Variants in ADAMTS17 observed in about 807,000 individuals in gnomAD.
ADAMTS17 encodes the protein A disintegrin and metalloproteinase with thrombospondin motifs 17.
Under a neutral mutation model 141.5 loss-of-function variants are expected in ADAMTS17, and 113 were observed. The observed-to-expected ratio is 0.80, with a 90% CI of 0.69 to 0.93. The LOEUF (loss-of-function observed/expected upper bound fraction) is 0.93, where lower values mean the gene tolerates loss of function less well. Among genes scored for constraint, ADAMTS17 ranks in the 40% least tolerant of loss-of-function variants. ADAMTS17 has a pLI of 0.00. For synonymous variants in ADAMTS17, 768 were observed against 630.6 expected (o/e 1.22, Z -3.27); for missense variants, 1,659 against 1,517.9 (o/e 1.09, Z -1.54).
chr15:100,090,230 T>A (rs1172959453), intron 15 of ADAMTS17, among the ~76,000 whole-genome samples: 1 of 152,168 alleles, frequency 6.6e-6, no homozygotes, highest in African/African-American at 2.4e-5. Context: ...AAAACTGAGA[T>A]AAAAGTTGTT....
At chr15:100,258,545 C>T (rs759664485) in intron 6 of ADAMTS17, among the ~76,000 whole-genome samples, 14 of 152,170 alleles carry the variant, frequency 9.2e-5, no homozygotes, top group Non-Finnish European at 1.6e-4. Context: ...TCTCACATGG[C>T]AGCAGGCAGG....
intron 3 of ADAMTS17, among the ~76,000 whole-genome samples, chr15:100,286,117 C>T (rs2044438293): frequency 6.6e-6 from 1 of 152,180 alleles, no homozygotes. Context: ...GCGACCAGCC[C>T]ACAAGCAGCC....
chr15:100,203,954 T>G (rs962222317), intron 7 of ADAMTS17, among the ~76,000 whole-genome samples: 1 of 152,024 alleles, frequency 6.6e-6, no homozygotes, highest in African/African-American at 2.4e-5. Context: ...GAAGCTCATT[T>G]AATTTATCGA....
intron 18 of ADAMTS17, among the ~76,000 whole-genome samples, chr15:100,046,412 T>G (rs1167643902): frequency 6.6e-6 from 1 of 152,178 alleles, no homozygotes; most frequent in Non-Finnish European, 1.5e-5. Context: ...CTCAATTCAG[T>G]GGTAGCAGTT....
chr15:100,064,181 G>C (rs2033348563), intron 15 of ADAMTS17, among the ~76,000 whole-genome samples: 1 of 152,184 alleles, frequency 6.6e-6, no homozygotes, highest in African/African-American at 2.4e-5. Context: ...TGAAGGCAGA[G>C]ATGAAGTGAT....
intron 18 of ADAMTS17, among the ~76,000 whole-genome samples, chr15:100,011,362 GAGAGAAGGAAAGGCAGTAAGGACAGA>G (rs2061174991): frequency 1.4e-5 from 2 of 147,652 alleles, no homozygotes; most frequent in Non-Finnish European, 3.0e-5. Flanking sequence ...GGACGGGAGG[GAGAGAAGGAAAGGCAGTAAGGACAGA>G]AGGGAGGGAA....
chr15:100,306,254 C>A (rs2045221311), intron 3 of ADAMTS17: 1 of 340,410 alleles, frequency 2.9e-6, no homozygotes, highest in Admixed American at 3.8e-5. Context: ...TGCCCTTGAA[C>A]CTGGGTAGGT....
intron 5 of ADAMTS17, 103 bp from the exon 6 acceptor site, chr15:100,261,739 A>C (rs2043525776): frequency 7.5e-7 from 1 of 1,340,128 alleles, no homozygotes; most frequent in East Asian, 2.5e-5. Context: ...TCACTCACTG[A>C]GACATCATTT....
chr15:100,255,107 G>A (rs1244377149), intron 6 of ADAMTS17, among the ~76,000 whole-genome samples: 1 of 152,174 alleles, frequency 6.6e-6, no homozygotes, highest in African/African-American at 2.4e-5. Context: ...CTTGAAACCT[G>A]GTCCAGCCCT....
intron 4 of ADAMTS17, among the ~76,000 whole-genome samples, chr15:100,262,987 A>C (rs1462173498): frequency 6.6e-6 from 1 of 152,216 alleles, no homozygotes; most frequent in Non-Finnish European, 1.5e-5. Context: ...AACCTCTAGA[A>C]TCATACACAC....
chr15:100,242,205 G>A (rs572323838), intron 7 of ADAMTS17, among the ~76,000 whole-genome samples: 2 of 152,302 alleles, frequency 1.3e-5, no homozygotes, highest in African/African-American at 4.8e-5. Flanking sequence ...AATTCCAAGT[G>A]CTGCAATGGC....
At position 99,993,047 on chromosome 15, in the gene ADAMTS17, C is replaced by T; in HGVS notation, c.2949+1G>A. 1 of 1,614,142 alleles carries T rather than the reference C, an allele frequency of 6.2e-7. No homozygotes were observed. Among genetic ancestry groups the T allele is most frequent in the Non-Finnish European group, 8.5e-7 (1 of 1,180,042 alleles). ...GAGAAATGCCAGCAGGCTGCTCTCA[C>T]CGTAGACCAGTCCCCAGTTTTCCAC... is the stretch of plus-strand genomic sequence containing the variant. On this transcript the variant is annotated splice_donor_variant, in intron 20 of 21. Coordinates refer to ENST00000268070, the MANE Select transcript of ADAMTS17 (RefSeq NM_139057.4). LOFTEE classifies it high-confidence loss of function. This position sits in a 1 kb window ranked among gnomAD's most constrained non-coding sequence, Gnocchi z 4.3.
chr15:100,218,050 T>C (rs1249806622), intron 7 of ADAMTS17, among the ~76,000 whole-genome samples: 2 of 151,928 alleles, frequency 1.3e-5, no homozygotes, highest in South Asian at 2.1e-4. Flanking sequence ...CCAGCTAATT[T>C]TCTGTAGATA....
chr15:100,238,500 G>A (rs1038847205), intron 7 of ADAMTS17, among the ~76,000 whole-genome samples: 2 of 152,190 alleles, frequency 1.3e-5, no homozygotes, highest in Non-Finnish European at 2.9e-5. Context: ...GCAGAATGTC[G>A]GTGAGGACAA....
At chr15:100,146,405 T>G (rs2038905917) in intron 10 of ADAMTS17, among the ~76,000 whole-genome samples, 2 of 152,220 alleles carry the variant, frequency 1.3e-5, no homozygotes, top group Admixed American at 1.3e-4. Flanking sequence ...TGTGAAGATT[T>G]CATGGACACT....
At chr15:100,164,512 G>C (rs569457076) in intron 8 of ADAMTS17, among the ~76,000 whole-genome samples, 1 of 152,286 alleles carries the variant, frequency 6.6e-6, no homozygotes, top group East Asian at 1.9e-4. Context: ...GGTCACATGC[G>C]AAAACAGCCA....
At chr15:100,315,609 G>A (rs1359697060) in intron 3 of ADAMTS17, among the ~76,000 whole-genome samples, 1 of 152,212 alleles carries the variant, frequency 6.6e-6, no homozygotes. Flanking sequence ...GCTGAGGTGG[G>A]TGGACCAATC....
chr15:100,312,695 G>A (rs2141866020), intron 3 of ADAMTS17, among the ~76,000 whole-genome samples: 1 of 152,300 alleles, frequency 6.6e-6, no homozygotes, highest in Non-Finnish European at 1.5e-5. Context: ...GGCAATCAGG[G>A]TGGACTTTCT....
At chr15:100,194,899 AG>A (rs1256599278) in intron 8 of ADAMTS17, among the ~76,000 whole-genome samples, 3 of 152,180 alleles carry the variant, frequency 2.0e-5, no homozygotes, top group Non-Finnish European at 4.4e-5. Flanking sequence ...TCCCATGTGC[AG>A]GGGCTGCTGC....
Sources: gnomAD v4.1 joint callset for allele counts (sites outside exome capture counted in the v4.1 genomes callset) on GRCh38, gnomAD v4.1.1 for gene constraint, Gnocchi (gnomAD v3.1) non-coding constraint, MANE v1.5 for transcripts, NCBI Gene and HGNC (gene_info 2026-07-23, HGNC 2026-07-21) for gene names.